Variants in TMEM135 observed in about 807,000 individuals in gnomAD.
TMEM135 encodes the protein peroxisomal membrane protein 52.
In TMEM135, 30 loss-of-function variants were observed where a neutral mutation model predicts 60.3. The observed-to-expected ratio is 0.50, with a 90% CI of 0.37 to 0.68. The LOEUF (loss-of-function observed/expected upper bound fraction) is 0.68. TMEM135 is among the 30% of genes least tolerant of loss of function. The pLI, the probability that TMEM135 is intolerant of heterozygous loss-of-function variation, is 0.00. For synonymous variants in TMEM135, 190 were observed against 186.7 expected, an observed-to-expected ratio of 1.02 and a Z score of -0.14; for missense variants, 468 against 548.8, an observed-to-expected ratio of 0.85 and a Z score of 1.47.
chr11:87,108,476 T>A (rs1266774269), intron 4 of TMEM135, among the ~76,000 whole-genome samples: 2 of 151,968 alleles, frequency 1.3e-5, no homozygotes, highest in East Asian at 3.9e-4. Flanking sequence ...GCTAAGGGTT[T>A]GTCAATTTTA....
chr11:87,150,286 C>G (rs1395338064), intron 4 of TMEM135, among the ~76,000 whole-genome samples: 1 of 150,980 alleles, frequency 6.6e-6, no homozygotes, highest in Non-Finnish European at 1.5e-5. Context: ...CAGTAGTATT[C>G]TTTTCTACTG....
intron 5 of TMEM135, among the ~76,000 whole-genome samples, chr11:87,236,324 AC>A (rs1565496441): frequency 6.6e-6 from 1 of 151,954 alleles, no homozygotes; most frequent in Non-Finnish European, 1.5e-5. Flanking sequence ...CTTGGGCCAT[AC>A]TTGAAATACA....
At chr11:87,194,734 A>T (rs1241873046) in intron 5 of TMEM135, among the ~76,000 whole-genome samples, 6 of 150,862 alleles carry the variant, frequency 4.0e-5, no homozygotes, top group Non-Finnish European at 8.9e-5. Context: ...TGAAGTCAGT[A>T]GTTGCTGTAA....
chr11:87,226,685 C>T (rs1940771223), intron 5 of TMEM135, among the ~76,000 whole-genome samples: 1 of 152,210 alleles, frequency 6.6e-6, no homozygotes, highest in South Asian at 2.1e-4. Flanking sequence ...ATATCTGCTT[C>T]TACAAATGGA....
chr11:87,159,966 G>A (rs1225844810), intron 5 of TMEM135, among the ~76,000 whole-genome samples: 1 of 152,120 alleles, frequency 6.6e-6, no homozygotes, highest in Non-Finnish European at 1.5e-5. Context: ...TATGCTAAGG[G>A]AGGAGAGCAG....
At chr11:87,061,176 G>C (rs1328806607) in intron 1 of TMEM135, among the ~76,000 whole-genome samples, 1 of 152,064 alleles carries the variant, frequency 6.6e-6, no homozygotes, top group Non-Finnish European at 1.5e-5. Context: ...AAAAATTCTG[G>C]AACTAACATA....
At chr11:87,135,274 C>T (rs1938057804) in intron 4 of TMEM135, among the ~76,000 whole-genome samples, 1 of 151,516 alleles carries the variant, frequency 6.6e-6, no homozygotes, top group African/African-American at 2.4e-5. Context: ...TTTATTGATT[C>T]ACTTGATGTG....
chr11:87,149,032 TTGTGTG>T (rs553840798), intron 4 of TMEM135, among the ~76,000 whole-genome samples: 9 of 143,692 alleles, frequency 6.3e-5, no homozygotes, highest in Non-Finnish European at 7.7e-5. Context: ...CCCCATACCT[TTGTGTG>T]TGTGTGTGTG....
intron 5 of TMEM135, among the ~76,000 whole-genome samples, chr11:87,196,994 A>G (rs970853906): frequency 6.6e-6 from 1 of 152,138 alleles, no homozygotes; most frequent in Non-Finnish European, 1.5e-5. Flanking sequence ...GATGAAACAT[A>G]GTTACATTTC....
At chr11:87,038,609 CTT>C (rs3045930) in intron 1 of TMEM135, among the ~76,000 whole-genome samples, 14,800 of 113,902 alleles carry the variant, frequency 0.13, 1,150 homozygotes, top group East Asian at 0.25. Context: ...TTTTATTTTG[CTT>C]TTTTTTTTTT....
chr11:87,113,712 T>C (rs562387628), intron 4 of TMEM135, among the ~76,000 whole-genome samples: 1 of 149,580 alleles, frequency 6.7e-6, no homozygotes, highest in African/African-American at 2.5e-5. Flanking sequence ...CTGGGAAAGC[T>C]GAGATCTTTT....
At chr11:87,161,584 G>C (rs1938881382) in intron 5 of TMEM135, among the ~76,000 whole-genome samples, 2 of 152,030 alleles carry the variant, frequency 1.3e-5, no homozygotes, top group African/African-American at 2.4e-5. Context: ...TTCAAACCCT[G>C]CTTCTTAATT....
chr11:87,275,954 G>A (rs1373635249), intron 6 of TMEM135, among the ~76,000 whole-genome samples: 1 of 152,104 alleles, frequency 6.6e-6, no homozygotes, highest in African/African-American at 2.4e-5. Context: ...GAGCCACCGC[G>A]CCTGGCCGCT....
chr11:87,221,528 C>G (rs1940616194), intron 5 of TMEM135, among the ~76,000 whole-genome samples: 1 of 152,168 alleles, frequency 6.6e-6, no homozygotes, highest in African/African-American at 2.4e-5. Context: ...TAGACAGACA[C>G]TGATTGCCTG....
intron 3 of TMEM135, among the ~76,000 whole-genome samples, chr11:87,085,781 G>T (rs781558365): frequency 7.9e-5 from 12 of 152,040 alleles, no homozygotes; most frequent in Non-Finnish European, 1.5e-4. Flanking sequence ...CAACAAAAAA[G>T]ATAATTTAGT....
In TMEM135 at chr11:87,328,546, C is replaced by T. The variant is rs1186781668; in HGVS notation, c.*7213C>T. 1 of 453,924 alleles carries T rather than the reference C, an allele frequency of 2.2e-6. No individual in the cohort carries two copies. Among genetic ancestry groups the T allele is most frequent in the Non-Finnish European group, 4.4e-6 (1 of 226,792 alleles). 28.1% of individuals were successfully genotyped at this position (453,924 alleles called of 1,614,324 possible). A position where few individuals can be genotyped will look rare whatever the true frequency, so the allele number is the denominator to read the frequency against. ...AGTCCATTATATCACTCTGTATACC[C>T]TTGTGTATCCATAGCTTAGCTCCCA... On this transcript the variant is annotated 3_prime_UTR_variant, in exon 15 of 15. Transcript: ENST00000305494.
At chr11:87,319,860 A>G (rs1367744289) in intron 14 of TMEM135, among the ~76,000 whole-genome samples, 1 of 152,194 alleles carries the variant, frequency 6.6e-6, no homozygotes, top group African/African-American at 2.4e-5. Context: ...GACCTAATAG[A>G]AAGAGCATGG....
chr11:87,287,614 T>C (rs867405691), intron 6 of TMEM135, among the ~76,000 whole-genome samples: 22 of 152,220 alleles, frequency 1.4e-4, no homozygotes, highest in Admixed American at 9.8e-4. Context: ...GAGGCGGAGA[T>C]TGCAGTGAGC....
At chr11:87,280,077 A>T (rs1043503634) in intron 6 of TMEM135, among the ~76,000 whole-genome samples, 1 of 152,250 alleles carries the variant, frequency 6.6e-6, no homozygotes, top group African/African-American at 2.4e-5. Flanking sequence ...CTAATTTGTT[A>T]ATCTATCAAA....
Sources: gnomAD v4.1 joint callset for allele counts (sites outside exome capture counted in the v4.1 genomes callset) on GRCh38, gnomAD v4.1.1 for gene constraint, MANE v1.5 for transcripts, NCBI Gene and HGNC (gene_info 2026-07-23, HGNC 2026-07-21) for gene names.